Variants in CSMD1 observed in about 807,000 individuals in gnomAD.
The protein encoded by CSMD1 is CUB and Sushi multiple domains 1.
In CSMD1, 213 loss-of-function variants were observed where a neutral mutation model predicts 417.5. The observed-to-expected ratio is 0.51, with a 90% CI of 0.46 to 0.57. CSMD1 has a LOEUF of 0.57. CSMD1 is among the 20% of genes least tolerant of loss of function. CSMD1 has a pLI of 0.00. For missense variants in CSMD1, 6,923 were observed against 4,529.7 expected (o/e 1.53, Z -15.17); for synonymous variants, 2,862 against 1,736.8 (o/e 1.65, Z -16.11).
chr8:4,318,268 C>A (rs1799054352), intron 3 of CSMD1, among the ~76,000 whole-genome samples: 1 of 152,038 alleles, frequency 6.6e-6, no homozygotes, highest in South Asian at 2.1e-4. Context: ...TAACATTTTT[C>A]CTTAATTAAA....
rs184402519 is a variant in CSMD1 at position 4,207,537 on chromosome 8, T to C, written c.416-175438A>G. 9.8e-5 allele frequency among the ~76,000 whole-genome samples: 15 copies of C among 152,288 alleles called. No homozygotes were observed. In the East Asian group the frequency reaches 2.7e-3, roughly 27 times the overall value. ...CTTAAACTGAAGTTTTAGTTTCAAA[T>C]GTCCATCAATAGAAAATAATGTTAA... On this transcript the variant is annotated intron_variant, in intron 3 of 69. Transcript: ENST00000635120.
At chr8:4,264,778 C>T (rs1175454543) in intron 3 of CSMD1, among the ~76,000 whole-genome samples, 2 of 152,112 alleles carry the variant, frequency 1.3e-5, no homozygotes, top group Non-Finnish European at 2.9e-5. Flanking sequence ...GCCATTTTTG[C>T]GCCATAAACT....
intron 3 of CSMD1, among the ~76,000 whole-genome samples, chr8:4,319,009 G>A (rs1271024050): frequency 6.6e-6 from 1 of 152,140 alleles, no homozygotes; most frequent in Non-Finnish European, 1.5e-5. Context: ...GAGGCCTTAA[G>A]TCTAACAAAG....
intron 69 of CSMD1, among the ~76,000 whole-genome samples, chr8:2,942,076 G>A (rs1801910834): frequency 6.6e-6 from 1 of 152,142 alleles, no homozygotes; most frequent in African/African-American, 2.4e-5. Context: ...AATAAGCATT[G>A]TTAGTCCAAG....
At chr8:3,371,570 G>T (rs187941535) in intron 18 of CSMD1, among the ~76,000 whole-genome samples, 3 of 151,576 alleles carry the variant, frequency 2.0e-5, no homozygotes, top group Admixed American at 2.0e-4. Context: ...TGAAGTAAAT[G>T]ATACTCAGAA....
chr8:3,043,550 G>C (rs955233402), intron 50 of CSMD1, among the ~76,000 whole-genome samples: 1 of 152,054 alleles, frequency 6.6e-6, no homozygotes, highest in Admixed American at 6.6e-5. Flanking sequence ...ATGGTGCCCA[G>C]CATAGAGTAG....
Position 4,467,024 on chromosome 8 carries a change from G to T in CSMD1, c.303-46959C>A, listed in dbSNP as rs148183989. ...CAACATAGCTCAACTGGCCTCAAAG[G>T]CAACAAAAGTCTGTTTCATGGCAGA... On this transcript the variant is annotated intron_variant, in intron 2 of 69. Coordinates refer to ENST00000635120, the MANE Select transcript of CSMD1 (RefSeq NM_033225.6). Among the ~76,000 whole-genome samples, 262 of 148,672 alleles carry T rather than the reference G, an allele frequency of 1.8e-3. 1 individual carries two copies. The highest frequency in any genetic ancestry group is 6.1e-3 in the African/African-American group (248 of 40,554).
intron 12 of CSMD1, among the ~76,000 whole-genome samples, chr8:3,445,154 A>G (rs1221439948): frequency 6.6e-6 from 1 of 152,196 alleles, no homozygotes; most frequent in Admixed American, 6.5e-5. Flanking sequence ...ACATCAAACA[A>G]TCACAATCAT....
intron 1 of CSMD1, among the ~76,000 whole-genome samples, chr8:4,726,630 A>G (rs376124233): frequency 6.6e-6 from 1 of 152,242 alleles, no homozygotes; most frequent in East Asian, 1.9e-4. Context: ...ACCCTGAATC[A>G]TTATTTCAAG....
At chr8:3,080,528 A>G (rs1814011475) in intron 49 of CSMD1, among the ~76,000 whole-genome samples, 1 of 152,202 alleles carries the variant, frequency 6.6e-6, no homozygotes, top group Non-Finnish European at 1.5e-5. Context: ...GACAATTGGT[A>G]GCGAAACTTT....
chr8:4,216,968 G>T (rs1264768310), intron 3 of CSMD1, among the ~76,000 whole-genome samples: 1 of 152,082 alleles, frequency 6.6e-6, no homozygotes, highest in African/African-American at 2.4e-5. Context: ...GCTGTCCTAG[G>T]ATAGGTCCCC....
At chr8:4,212,205 T>C (rs1014301322) in intron 3 of CSMD1, among the ~76,000 whole-genome samples, 1 of 150,400 alleles carries the variant, frequency 6.6e-6, no homozygotes, top group Non-Finnish European at 1.5e-5. Flanking sequence ...TTATTTTCTC[T>C]CCATGTTGTT....
intron 1 of CSMD1, among the ~76,000 whole-genome samples, chr8:4,782,245 G>C (rs533385713): frequency 6.6e-6 from 1 of 152,286 alleles, no homozygotes; most frequent in Non-Finnish European, 1.5e-5. Context: ...AGCTAGAAAA[G>C]AGGGTTTTCA....
At chr8:4,637,204 C>T (rs1802872297) in intron 2 of CSMD1, 138 bp downstream of exon 2, 2 of 645,566 alleles carry the variant, frequency 3.1e-6, no homozygotes, top group East Asian at 2.7e-5. Context: ...TGGCTTCATT[C>T]TTGAAGTCAG....
rs527960680 is a variant in CSMD1, at chr8:3,112,627, C to G, written c.6431-2292G>C. Among the ~76,000 whole-genome samples the G allele has an allele frequency of 2.6e-5, 4 of 152,236 alleles. No homozygotes were observed. The East Asian group carries it at 7.7e-4, about 29-fold the overall frequency. On this transcript the variant is annotated intron_variant, in intron 42 of 69. Coordinates refer to ENST00000635120, the MANE Select transcript of CSMD1 (RefSeq NM_033225.6). The stretch of plus-strand genomic sequence containing the variant: ...GTATCTACTGAGAGTGGGTTATGTA[C>G]CAGTAAGGGTGCCTGGGATGGAGAT...
chr8:4,538,395 C>G (rs1797211607), intron 2 of CSMD1, among the ~76,000 whole-genome samples: 2 of 151,864 alleles, frequency 1.3e-5, no homozygotes, highest in South Asian at 4.2e-4. Flanking sequence ...GTAATCCAAG[C>G]ACTTTGGGAG....
chr8:3,149,153 C>A (rs1486686927), intron 40 of CSMD1, among the ~76,000 whole-genome samples: 1 of 151,924 alleles, frequency 6.6e-6, no homozygotes, highest in Admixed American at 6.6e-5. Flanking sequence ...AATTTGGTTT[C>A]ATTGAAGTTT....
intron 1 of CSMD1, among the ~76,000 whole-genome samples, chr8:4,941,174 T>TAA (rs1275990703): frequency 6.6e-6 from 1 of 152,152 alleles, no homozygotes; most frequent in East Asian, 1.9e-4. Context: ...AATATTAAAA[T>TAA]AAAAAACAAA....
In CSMD1 at chr8:3,359,261, G is replaced by A. The variant is rs761974179; in HGVS notation, c.3195C>T (p.Asp1065=). The change falls in exon 21 of 70, where the codon GAC becomes GAT. Residue 1065 remains aspartate, a synonymous_variant. Coordinates refer to ENST00000635120, the MANE Select transcript of CSMD1 (RefSeq NM_033225.6). ...RRIGFHFGVG[D]SLTFSCFLGY... The stretch of plus-strand genomic sequence containing the variant: ...CCAGGAAGCAGGAAAACGTCAGAGA[G>A]TCTCCCACACCAAAGTGAAAACCAA... The A allele has an allele frequency of 3.7e-6, 6 of 1,613,744 alleles. No homozygotes were observed. Among genetic ancestry groups the A allele is most frequent in the Non-Finnish European group, 1.7e-6 (2 of 1,179,840 alleles).
Sources: gnomAD v4.1 joint callset for allele counts (sites outside exome capture counted in the v4.1 genomes callset) on GRCh38, gnomAD v4.1.1 for gene constraint, MANE v1.5 for transcripts, NCBI Gene and HGNC (gene_info 2026-07-23, HGNC 2026-07-21) for gene names.